Variants in DPYSL3 observed in about 807,000 individuals in gnomAD.
The protein encoded by DPYSL3 is dihydropyrimidinase like 3.
Under a neutral mutation model 66.1 loss-of-function variants are expected in DPYSL3, and 16 were observed. That is an observed-to-expected ratio of 0.24 (90% CI 0.16 to 0.37). The LOEUF is 0.37. DPYSL3 is among the 10% of genes least tolerant of loss of function. DPYSL3 has a pLI of 1.00. For missense variants in DPYSL3, 738 were observed against 916.2 expected (o/e 0.81, Z 2.51); for synonymous variants, 338 against 345.1 (o/e 0.98, Z 0.23).
At chr5:147,397,888 A>G in intron 11 of DPYSL3, 43 bp from the exon 12 acceptor site, 4 of 1,530,500 alleles carry the variant, frequency 2.6e-6, no homozygotes, top group Non-Finnish European at 2.6e-6. Flanking sequence ...AAGGGTAGAG[A>G]AAGAGGAACG....
At chr5:147,481,936 A>C (rs1753250914) in intron 1 of DPYSL3, among the ~76,000 whole-genome samples, 1 of 152,242 alleles carries the variant, frequency 6.6e-6, no homozygotes, top group Admixed American at 6.5e-5. Flanking sequence ...CACAGATGCC[A>C]GATGCCTGCA....
At chr5:147,430,205 A>C (rs1356997999) in intron 1 of DPYSL3, among the ~76,000 whole-genome samples, 1 of 152,056 alleles carries the variant, frequency 6.6e-6, no homozygotes, top group African/African-American at 2.4e-5. Flanking sequence ...AAGAAAAAAG[A>C]AGGATGGGGG....
chr5:147,452,881 GCACACACACACACACA>G (rs3995474), intron 1 of DPYSL3, among the ~76,000 whole-genome samples: 106 of 137,450 alleles, frequency 7.7e-4, no homozygotes, highest in South Asian at 2.2e-3. Flanking sequence ...TGCATCGAAG[GCACACACACACACACA>G]CACACACACA....
chr5:147,420,288 G>A (rs1330374496), intron 2 of DPYSL3, among the ~76,000 whole-genome samples: 1 of 152,154 alleles, frequency 6.6e-6, no homozygotes, highest in Admixed American at 6.5e-5. Context: ...CAGATTAAAT[G>A]TGAATATATG....
chr5:147,497,667 A>G (rs1373162447), intron 1 of DPYSL3, among the ~76,000 whole-genome samples: 1 of 151,938 alleles, frequency 6.6e-6, no homozygotes, highest in Non-Finnish European at 1.5e-5. Context: ...ATCAATAGAT[A>G]CTGAAAAAGC....
At chr5:147,417,741 G>GA (rs1206421234) in intron 3 of DPYSL3, among the ~76,000 whole-genome samples, 5 of 151,962 alleles carry the variant, frequency 3.3e-5, no homozygotes, top group East Asian at 3.8e-4. Flanking sequence ...AATTGCAATA[G>GA]AAAAAACAAA....
intron 1 of DPYSL3, among the ~76,000 whole-genome samples, chr5:147,437,182 C>G (rs907191675): frequency 1.3e-5 from 2 of 152,204 alleles, no homozygotes; most frequent in African/African-American, 4.8e-5. Context: ...GCAGCTCTCT[C>G]TTTTCATCTT....
At chr5:147,436,844 C>T (rs1408088360) in intron 1 of DPYSL3, among the ~76,000 whole-genome samples, 6 of 152,070 alleles carry the variant, frequency 3.9e-5, no homozygotes, top group Admixed American at 6.6e-5. Flanking sequence ...CTACAGAGGA[C>T]CCATTAATAG....
At chr5:147,453,486 C>G in intron 1 of DPYSL3, 1 of 1,499,476 alleles carries the variant, frequency 6.7e-7, no homozygotes, top group Non-Finnish European at 8.9e-7. Context: ...GAGCCGACCC[C>G]GCCCGCAGCG....
At chr5:147,401,966 A>G (rs1042889510) in intron 8 of DPYSL3, 2 of 332,266 alleles carry the variant, frequency 6.0e-6, no homozygotes, top group Non-Finnish European at 1.1e-5. Flanking sequence ...ATTTGAGGCA[A>G]AAGAAAATAA....
intron 1 of DPYSL3, among the ~76,000 whole-genome samples, chr5:147,458,816 G>A (rs1752890240): frequency 6.6e-6 from 1 of 152,156 alleles, no homozygotes; most frequent in Non-Finnish European, 1.5e-5. Context: ...CAAGGGAACT[G>A]AGGATGAAGC....
Position 147,509,358 on chromosome 5 carries a change from C to T in DPYSL3, c.381+120G>A. The T allele has an allele frequency of 7.6e-7, 1 of 1,308,348 alleles. No individual in the cohort carries two copies. The highest frequency in any genetic ancestry group is 1.0e-6 in the Non-Finnish European group (1 of 986,530). The allele number at this position is 1,308,348 out of a possible 1,614,324, so 81.0% of individuals were successfully genotyped here. A position where few individuals can be genotyped will look rare whatever the true frequency, so the allele number is the denominator to read the frequency against. ...ACGCTCAGTGGAGGATGACCCTTTC[C>T]TCCTCCTTGTCCCCCAGCCCCGTGC... On this transcript the variant is annotated intron_variant, in intron 1 of 13. Coordinates refer to ENST00000343218, the MANE Select transcript of DPYSL3 (RefSeq NM_001197294.2). The surrounding 1 kb of genome is among the most constrained non-coding windows in gnomAD (Gnocchi z 5.3).
chr5:147,497,771 G>A (rs1027260282), intron 1 of DPYSL3, among the ~76,000 whole-genome samples: 11 of 150,716 alleles, frequency 7.3e-5, no homozygotes, highest in Non-Finnish European at 1.6e-4. Context: ...TAAAGAATAC[G>A]CTCAAAAAAA....
In DPYSL3 at chr5:147,509,807, C is replaced by T; in HGVS notation, c.52G>A (p.Val18Met). Residue 18 changes from valine (V) to methionine (M), a missense_variant, in exon 1 of 14, where the codon GTG (valine) becomes ATG (methionine). Coordinates refer to ENST00000343218, the MANE Select transcript of DPYSL3 (RefSeq NM_001197294.2). The surrounding 1 kb of genome is among the most constrained non-coding windows in gnomAD (Gnocchi z 5.3). ...GTGGTGCCCGGCCTGGCCAGGTACA[C>T]GGGCAGATCGTCTTCGTGGGAGCTG... ...WDSSHEDDLP[V>M]YLARPGTTDQ... 6.5e-7 allele frequency: 1 copy of T among 1,535,822 alleles called. No homozygotes were observed. The highest frequency in any genetic ancestry group is 8.7e-7 in the Non-Finnish European group (1 of 1,146,698).
intron 1 of DPYSL3, among the ~76,000 whole-genome samples, chr5:147,487,021 A>G (rs529597231): frequency 2.6e-5 from 4 of 152,242 alleles, no homozygotes; most frequent in South Asian, 2.1e-4. Flanking sequence ...ACAATGCCAC[A>G]TGCTATTAAC....
At chr5:147,417,143 C>T (rs749318455) in intron 3 of DPYSL3, among the ~76,000 whole-genome samples, 28 of 152,262 alleles carry the variant, frequency 1.8e-4, no homozygotes, top group Non-Finnish European at 3.8e-4. Context: ...GTTTTACTCT[C>T]GTCACGGGGA....
Position 147,408,605 on chromosome 5 carries a change from G to T in DPYSL3, c.1032+123C>A. On this transcript the variant is annotated intron_variant, in intron 7 of 13. Transcript: ENST00000343218. ...TTTTCTCACGGGCTCCTGAGTTAGA[G>T]TCAATCAGAAGTGGTCTTTGGAAGA... 4.0e-6 allele frequency: 4 copies of T among 1,000,978 alleles called. No homozygotes were observed. The South Asian group carries it at 6.0e-5, about 15-fold the overall frequency. The allele number at this position is 1,000,978 out of a possible 1,614,324, so 62.0% of individuals were successfully genotyped here.
intron 1 of DPYSL3, among the ~76,000 whole-genome samples, chr5:147,467,746 A>G (rs1753031511): frequency 6.6e-6 from 1 of 152,222 alleles, no homozygotes; most frequent in Non-Finnish European, 1.5e-5. Flanking sequence ...GGATTGTCTT[A>G]GTCCATTCCT....
intron 1 of DPYSL3, among the ~76,000 whole-genome samples, chr5:147,477,592 T>C (rs866035991): frequency 1.9e-3 from 184 of 96,934 alleles, no homozygotes; most frequent in African/African-American, 7.6e-3. Flanking sequence ...TTTTTTTTTT[T>C]TGAGACGGAG....
Sources: gnomAD v4.1 joint callset for allele counts (sites outside exome capture counted in the v4.1 genomes callset) on GRCh38, gnomAD v4.1.1 for gene constraint, Gnocchi (gnomAD v3.1) non-coding constraint, MANE v1.5 for transcripts, NCBI Gene and HGNC (gene_info 2026-07-23, HGNC 2026-07-21) for gene names.